Variants in EVC observed in about 807,000 individuals in gnomAD.
EVC encodes the protein evC complex member EVC.
A neutral mutation model predicts 118.9 loss-of-function variants in EVC; 116 were observed. That is an observed-to-expected ratio of 0.98 (90% CI 0.84 to 1.14). The LOEUF (loss-of-function observed/expected upper bound fraction) is 1.14. Among genes scored for constraint, EVC ranks in the 50% most tolerant of loss-of-function variants. The pLI is 0.00. For synonymous variants in EVC, 619 were observed against 534.7 expected (o/e 1.16, Z -2.18); for missense variants, 1,401 against 1,246.4 (o/e 1.12, Z -1.87).
Position 5,783,602 on chromosome 4 carries a change from G to A in EVC, c.1614G>A (p.Leu538=). ...VDTFQKFVDA[L]FLQTLPGMTG... is the part of the protein sequence containing the mutation. ...CTTTCCAGAAGTTCGTGGATGCCCT[G>A]TTCCTTCAGACGCTCCCTGGCATGA... is the stretch of plus-strand genomic sequence containing the variant. Residue 538 remains leucine (L), a synonymous_variant, in exon 12 of 21, where the codon CTG becomes CTA. Transcript: ENST00000264956. The A allele has an allele frequency of 6.2e-7, 1 of 1,614,166 alleles. No homozygotes were observed. The highest frequency in any genetic ancestry group is 1.1e-5 in the South Asian group (1 of 91,088).
intron 1 of EVC, among the ~76,000 whole-genome samples, chr4:5,718,134 C>G (rs747640433): frequency 6.6e-6 from 1 of 152,118 alleles, no homozygotes; most frequent in African/African-American, 2.4e-5. Flanking sequence ...GTCTACTCTC[C>G]TTATTCATGG....
chr4:5,805,457 T>C (rs1227438205), intron 17 of EVC, among the ~76,000 whole-genome samples: 1 of 152,178 alleles, frequency 6.6e-6, no homozygotes, highest in Non-Finnish European at 1.5e-5. Flanking sequence ...GGAAACGCCC[T>C]GCTGCAGGGT....
chr4:5,770,329 C>G (rs572125777), intron 11 of EVC, among the ~76,000 whole-genome samples: 1 of 152,284 alleles, frequency 6.6e-6, no homozygotes, highest in South Asian at 2.1e-4. Flanking sequence ...CCGTAAATCA[C>G]AGTGTTAGCA....
Position 5,731,428 on chromosome 4 carries a change from C to G in EVC, c.388C>G (p.Leu130Val). The G allele has an allele frequency of 6.2e-7, 1 of 1,613,490 alleles. No individual in the cohort carries two copies. Among genetic ancestry groups the G allele is most frequent in the Non-Finnish European group, 8.5e-7 (1 of 1,179,836 alleles). Reference protein sequence around the residue: ...IYPINQKFRPLADGSSNPSLH... With the variant: ...IYPINQKFRPVADGSSNPSLH... ...GTGACTCCTACTGCCACCCCAGCCT[C>G]TGGCCGATGGCTCCTCCAACCCGTC... The change falls in exon 4 of 21, where the codon CTG becomes GTG. Residue 130 changes from leucine (L) to valine (V), a missense_variant. Leu to Val is a conservative substitution (Grantham distance 32, BLOSUM62 1). Coordinates refer to ENST00000264956, the MANE Select transcript of EVC (RefSeq NM_153717.3). This position sits in a 1 kb window ranked among gnomAD's most constrained non-coding sequence, Gnocchi z 5.6.
chr4:5,765,244 T>G (rs1216661707), intron 11 of EVC, among the ~76,000 whole-genome samples: 2 of 118,356 alleles, frequency 1.7e-5, no homozygotes, highest in African/African-American at 6.6e-5. Flanking sequence ...GAGTTCTAGT[T>G]TGATTGCACT....
chr4:5,817,007 G>A (rs1032253676), downstream of EVC, among the ~76,000 whole-genome samples: 1 of 152,156 alleles, frequency 6.6e-6, no homozygotes, highest in Admixed American at 6.5e-5. Context: ...TCATGCTCTG[G>A]GCAAAGGCAG....
intron 1 of EVC, among the ~76,000 whole-genome samples, chr4:5,715,740 C>CCT (rs1553860016): frequency 0.34 from 24,160 of 70,938 alleles, 4,032 homozygotes; most frequent in East Asian, 0.56. Context: ...TTTCCATTGT[C>CCT]TTTTTTTTTT....
chr4:5,739,713 C>CA (rs1297823530), intron 5 of EVC, among the ~76,000 whole-genome samples: 1 of 151,584 alleles, frequency 6.6e-6, no homozygotes, highest in Admixed American at 6.6e-5. Flanking sequence ...CCTGCAAAGC[C>CA]AAAAAAAATT....
rs1021069646 is a variant in EVC, at chr4:5,711,332, G to C, written c.-49G>C. ...CCCGCGTCGCCGCCCTGGCGGGGAC[G>C]GTGCAGCAGGCGGCGGGATGCGGCG... On this transcript the variant is annotated 5_prime_UTR_variant, in exon 1 of 21. Coordinates refer to ENST00000264956, the MANE Select transcript of EVC (RefSeq NM_153717.3). The C allele has an allele frequency of 4.0e-6, 4 of 1,003,184 alleles. No homozygotes were observed. Among genetic ancestry groups the C allele is most frequent in the Non-Finnish European group, 4.8e-6 (4 of 841,426 alleles). 62.1% of individuals were successfully genotyped at this position (1,003,184 alleles called of 1,614,324 possible).
chr4:5,713,971 C>T (rs970593743), intron 1 of EVC, among the ~76,000 whole-genome samples: 1 of 152,204 alleles, frequency 6.6e-6, no homozygotes, highest in African/African-American at 2.4e-5. Context: ...GCTTACCTTC[C>T]CCTGAGCACC....
chr4:5,807,910 G>T (rs1399402769), intron 17 of EVC, among the ~76,000 whole-genome samples: 1 of 152,204 alleles, frequency 6.6e-6, no homozygotes, highest in Non-Finnish European at 1.5e-5. Context: ...CTTCCCCCCA[G>T]CTTTTCTACT....
Position 5,719,198 on chromosome 4 carries a change from C to G in EVC, c.175-50C>G, listed in dbSNP as rs749139900. On this transcript the variant is annotated intron_variant, in intron 1 of 20. Coordinates refer to ENST00000264956, the MANE Select transcript of EVC (RefSeq NM_153717.3). This position sits in a 1 kb window ranked among gnomAD's most constrained non-coding sequence, Gnocchi z 4.7. ...CACGGTGGGGACCAGGCCGACTGAC[C>G]TCAATGTTGTGTTTCTATCCACCCC... The G allele has an allele frequency of 1.2e-6, 2 of 1,613,210 alleles. No individual in the cohort carries two copies. The highest frequency in any genetic ancestry group is 2.7e-5 in the African/African-American group (2 of 74,886).
intron 11 of EVC, among the ~76,000 whole-genome samples, chr4:5,768,459 A>G (rs1321102983): frequency 3.3e-5 from 5 of 152,084 alleles, no homozygotes; most frequent in African/African-American, 4.8e-5. Context: ...CACCTCCTCT[A>G]TGTTAAAGTA....
At chr4:5,767,628 A>G (rs563255230) in intron 11 of EVC, among the ~76,000 whole-genome samples, 53 of 152,064 alleles carry the variant, frequency 3.5e-4, no homozygotes, top group Non-Finnish European at 6.2e-4. Context: ...GCCCGTCGGA[A>G]AAGCACAGTA....
At chr4:5,828,552 G>A in the EVC span, 1 of 1,614,210 alleles carries the variant, frequency 6.2e-7, no homozygotes, top group South Asian at 1.1e-5. Flanking sequence ...GAATGAAGCG[G>A]CCCATGCCCT....
At chr4:5,753,205 G>A (rs573005701) in intron 9 of EVC, among the ~76,000 whole-genome samples, 153 bp downstream of exon 9, 1 of 152,198 alleles carries the variant, frequency 6.6e-6, no homozygotes, top group African/African-American at 2.4e-5. Flanking sequence ...GGGTCACTGG[G>A]CTGCTCTCTG....
At chr4:5,825,954 GCATGCA>G in the EVC span, 1 of 439,850 alleles carries the variant, frequency 2.3e-6, no homozygotes, top group Non-Finnish European at 4.0e-6. The surrounding 1 kb of genome is among the most constrained non-coding windows in gnomAD (Gnocchi z 4.4). Flanking sequence ...ACACATATAT[GCATGCA>G]CATGCAGTAA....
At chr4:5,757,725 G>A (rs1167137600) in intron 11 of EVC, among the ~76,000 whole-genome samples, 1 of 152,138 alleles carries the variant, frequency 6.6e-6, no homozygotes, top group Non-Finnish European at 1.5e-5. Context: ...TGGGATTAGG[G>A]CCCCACCCTG....
At chr4:5,734,656 C>T (rs1560302240) in intron 5 of EVC, among the ~76,000 whole-genome samples, 3 of 152,008 alleles carry the variant, frequency 2.0e-5, no homozygotes, top group Non-Finnish European at 4.4e-5. Context: ...CATCCTGTCT[C>T]AAAAAACAAA....
Sources: allele counts gnomAD v4.1 joint callset (sites outside exome capture counted in the v4.1 genomes callset), GRCh38; gene constraint gnomAD v4.1.1; non-coding constraint Gnocchi (gnomAD v3.1); transcripts MANE v1.5; gene names NCBI Gene and HGNC (gene_info 2026-07-23, HGNC 2026-07-21).